Variants in STK24 observed in about 807,000 individuals in gnomAD.
STK24 encodes the protein serine/threonine-protein kinase 24.
STK24 carries 21 observed loss-of-function variants against 55.6 expected under a neutral mutation model. That is an observed-to-expected ratio of 0.38 (90% CI 0.27 to 0.54). The LOEUF is 0.54. Ranked by LOEUF, STK24 falls within the 20% of genes least tolerant of loss-of-function variation. The pLI is 0.79. For synonymous variants in STK24, 200 were observed against 215.2 expected, an observed-to-expected ratio of 0.93 and a Z score of 0.62; for missense variants, 383 against 538.4, an observed-to-expected ratio of 0.71 and a Z score of 2.86.
intron 1 of STK24, among the ~76,000 whole-genome samples, chr13:98,575,100 C>G (rs1400299208): frequency 6.6e-6 from 1 of 152,108 alleles, no homozygotes; most frequent in Non-Finnish European, 1.5e-5. Context: ...AGAGTCCTTT[C>G]TTGCTCGACT....
rs79191270 is a variant in STK24 at position 98,457,384 on chromosome 13, C to T, written c.1123-80G>A. ...GAAGCATGCTGTTCAAGGAACAACA[C>T]GGCGTGTGGACCACGACACTACCCC... On this transcript the variant is annotated intron_variant, in intron 9 of 10. Transcript: ENST00000539966. The T allele has an allele frequency of 7.5e-4, 1,203 of 1,600,510 alleles. 4 individuals are homozygous for T. In the African/African-American group the frequency reaches 0.011, roughly 14 times the overall value.
intron 2 of STK24, among the ~76,000 whole-genome samples, chr13:98,499,212 T>C (rs1272194641): frequency 6.6e-6 from 1 of 151,082 alleles, no homozygotes; most frequent in Non-Finnish European, 1.5e-5. Context: ...CACTCCAACC[T>C]GGGCAACAAA....
intron 1 of STK24, among the ~76,000 whole-genome samples, chr13:98,571,129 C>T (rs1406899377): frequency 1.3e-5 from 2 of 152,180 alleles, no homozygotes; most frequent in East Asian, 1.9e-4. Context: ...GACCATCGGA[C>T]GCCTGGACTG....
intron 1 of STK24, among the ~76,000 whole-genome samples, chr13:98,562,242 C>T (rs1439463344): frequency 1.3e-5 from 2 of 152,172 alleles, no homozygotes; most frequent in Admixed American, 6.5e-5. Context: ...GATGCTTTTG[C>T]TTTAAAAATA....
chr13:98,448,044 G>C lies in STK24; in HGVS notation c.*5129C>G, dbSNP rs1422260615. 2.1e-5 allele frequency: 13 copies of C among 607,738 alleles called. No homozygotes were observed. The highest frequency in any genetic ancestry group is 3.9e-5 in the Non-Finnish European group (13 of 336,886). 37.6% of individuals were successfully genotyped at this position (607,738 alleles called of 1,614,324 possible). Reference sequence around the variant, plus strand: ...ACTTCCAGCTCCACACTGAGTGAGTGCCCAGGCCAGTGGGTCTCCACTGTA... The same window carrying C: ...ACTTCCAGCTCCACACTGAGTGAGTCCCCAGGCCAGTGGGTCTCCACTGTA... On this transcript the variant is annotated 3_prime_UTR_variant, in exon 11 of 11. Transcript: ENST00000539966.
At chr13:98,468,170 C>A (rs1199674258) in intron 5 of STK24, among the ~76,000 whole-genome samples, 3 of 152,220 alleles carry the variant, frequency 2.0e-5, no homozygotes, top group Non-Finnish European at 4.4e-5. Context: ...AGCCCCCAAG[C>A]CCAGCAGTCC....
At position 98,456,296 on chromosome 13, in the gene STK24, G is replaced by A. The variant is rs1594567527; in HGVS notation, c.1259+872C>T. On this transcript the variant is annotated intron_variant, in intron 10 of 10. Transcript: ENST00000539966. ...GCAAAACTTCTTTATGTACTGTCAG[G>A]TGGGACGCAGTCTCAGGAAAGACCC... is the stretch of plus-strand genomic sequence containing the variant. 5 of 357,772 alleles carry A rather than the reference G, an allele frequency of 1.4e-5. No homozygotes were observed. The East Asian group carries it at 3.7e-4, about 27-fold the overall frequency. 22.2% of individuals were successfully genotyped at this position (357,772 alleles called of 1,614,324 possible). A position where few individuals can be genotyped will look rare whatever the true frequency, so the allele number is the denominator to read the frequency against.
At chr13:98,500,317 T>C (rs919530806) in intron 2 of STK24, among the ~76,000 whole-genome samples, 2 of 152,194 alleles carry the variant, frequency 1.3e-5, no homozygotes, top group African/African-American at 4.8e-5. Flanking sequence ...CTTCACCACG[T>C]TTCCTAAGGC....
In STK24 at chr13:98,446,161, G is replaced by C; in HGVS notation, c.*7012C>G. ...CAGCAACGGGTGGCAGAAGCTGTGG[G>C]TGGTGTTCACAAACTTCTGCCTGTT... On this transcript the variant is annotated 3_prime_UTR_variant, in exon 11 of 11. Coordinates refer to ENST00000539966, the MANE Select transcript of STK24 (RefSeq NM_001032296.4). The C allele has an allele frequency of 6.2e-7, 1 of 1,614,030 alleles. No individual in the cohort carries two copies. The highest frequency in any genetic ancestry group is 8.5e-7 in the Non-Finnish European group (1 of 1,179,882).
At chr13:98,480,052 CAATTA>C (rs1894528103) in intron 3 of STK24, among the ~76,000 whole-genome samples, 1 of 152,136 alleles carries the variant, frequency 6.6e-6, no homozygotes, top group Non-Finnish European at 1.5e-5. Flanking sequence ...ATTCCTGCAC[CAATTA>C]AATGAGACGA....
At chr13:98,483,918 A>G (rs1000804085) in intron 2 of STK24, among the ~76,000 whole-genome samples, 1 of 152,236 alleles carries the variant, frequency 6.6e-6, no homozygotes, top group Non-Finnish European at 1.5e-5. Context: ...TAAACAGCCC[A>G]AGTTTTAATG....
intron 2 of STK24, among the ~76,000 whole-genome samples, chr13:98,510,134 G>A (rs964256723): frequency 6.6e-6 from 1 of 152,236 alleles, no homozygotes; most frequent in African/African-American, 2.4e-5. Context: ...ACCCCAGGAC[G>A]TGTGGGAGCA....
intron 8 of STK24, among the ~76,000 whole-genome samples, chr13:98,461,272 ACAC>A (rs939374617): frequency 1.6e-4 from 25 of 152,238 alleles, no homozygotes; most frequent in African/African-American, 6.0e-4. Context: ...GAAAGAAACT[ACAC>A]CACTATGCTT....
chr13:98,485,986 A>G (rs530122731), intron 2 of STK24, among the ~76,000 whole-genome samples: 29 of 152,184 alleles, frequency 1.9e-4, no homozygotes, highest in Non-Finnish European at 2.9e-5. Flanking sequence ...AAATGGGAGG[A>G]AGCGGAAGAG....
chr13:98,543,353 G>A (rs770271613), intron 1 of STK24, among the ~76,000 whole-genome samples: 13 of 152,022 alleles, frequency 8.6e-5, no homozygotes, highest in Non-Finnish European at 1.8e-4. Flanking sequence ...GAGAAACCTC[G>A]ACCCTCCAGA....
intron 1 of STK24, among the ~76,000 whole-genome samples, chr13:98,526,900 C>T (rs1204836917): frequency 6.6e-6 from 1 of 152,142 alleles, no homozygotes; most frequent in Non-Finnish European, 1.5e-5. Context: ...TGTCCACAGG[C>T]GCGTTTTCAT....
chr13:98,472,433 G>A (rs764939225), intron 5 of STK24, among the ~76,000 whole-genome samples: 2 of 152,242 alleles, frequency 1.3e-5, no homozygotes, highest in African/African-American at 2.4e-5. Flanking sequence ...AGGTTCTCAT[G>A]TGAGCAGTGA....
chr13:98,535,196 G>C (rs1264991030), intron 1 of STK24, among the ~76,000 whole-genome samples: 4 of 152,200 alleles, frequency 2.6e-5, no homozygotes, highest in Non-Finnish European at 5.9e-5. Context: ...AATTAGCTGG[G>C]CGTGGTGGCA....
At chr13:98,535,662 A>C (rs1430709444) in intron 1 of STK24, among the ~76,000 whole-genome samples, 1 of 152,182 alleles carries the variant, frequency 6.6e-6, no homozygotes, top group Non-Finnish European at 1.5e-5. Context: ...CCCATGAGAA[A>C]GAGAACACTG....
Sources: gnomAD v4.1 joint callset for allele counts (sites outside exome capture counted in the v4.1 genomes callset) on GRCh38, gnomAD v4.1.1 for gene constraint, MANE v1.5 for transcripts, NCBI Gene and HGNC (gene_info 2026-07-23, HGNC 2026-07-21) for gene names.